Variants in ACSL5 observed in about 807,000 individuals in gnomAD.
The protein encoded by ACSL5 is long-chain-fatty-acid--CoA ligase 5.
Under a neutral mutation model 84.9 loss-of-function variants are expected in ACSL5, and 50 were observed. The ratio of observed to expected loss-of-function variants is 0.59; its 90% CI spans 0.47 to 0.75. The LOEUF is 0.75. Ranked by LOEUF, ACSL5 falls within the 30% of genes least tolerant of loss-of-function variation. ACSL5 has a pLI of 0.00. For missense variants in ACSL5, 775 were observed against 830.4 expected (o/e 0.93, Z 0.82); for synonymous variants, 280 against 300.7 (o/e 0.93, Z 0.71).
intron 20 of ACSL5, 133 bp downstream of exon 20, chr10:112,426,992 CT>C: frequency 1.1e-6 from 1 of 910,798 alleles, no homozygotes; most frequent in Admixed American, 2.3e-5. Flanking sequence ...ACAAAATGAC[CT>C]TTTGTAGTTA....
chr10:112,425,797 G>A (rs1235941424), intron 18 of ACSL5, among the ~76,000 whole-genome samples: 1 of 152,024 alleles, frequency 6.6e-6, no homozygotes, highest in Non-Finnish European at 1.5e-5. Context: ...TTAAAGCTAT[G>A]TTTAAGAGCA....
In ACSL5 at chr10:112,411,899, T is replaced by C. The variant is rs762330116; in HGVS notation, c.871-3T>C. On this transcript the variant is annotated splice_region_variant and splice_polypyrimidine_tract_variant and intron_variant, in intron 10 of 20. Coordinates refer to ENST00000354655, the MANE Select transcript of ACSL5 (RefSeq NM_203379.2). ...CCTCCTCTTACTTCCCTGGCCTACA[T>C]AGCATGCTTATGAGCCCACTCCTGA... 2.5e-6 allele frequency: 4 copies of C among 1,612,838 alleles called. No individual in the cohort carries two copies. Among genetic ancestry groups the C allele is most frequent in the African/African-American group, 1.3e-5 (1 of 75,012 alleles).
intron 2 of ACSL5, among the ~76,000 whole-genome samples, chr10:112,396,699 C>G (rs1450191291): frequency 6.6e-6 from 1 of 152,130 alleles, no homozygotes; most frequent in Non-Finnish European, 1.5e-5. Flanking sequence ...CACACACACA[C>G]ACACACACCC....
rs1484312170 is a variant in ACSL5, at chr10:112,399,156, G to A, written c.265+147G>A. Reference sequence around the variant, plus strand: ...AACATGCAAAATAGAGGCAACATTAGAACATAGTATTAGGATGGGCGTTGG... The same window carrying A: ...AACATGCAAAATAGAGGCAACATTAAAACATAGTATTAGGATGGGCGTTGG... On this transcript the variant is annotated intron_variant, in intron 3 of 20. Transcript: ENST00000354655. The A allele has an allele frequency of 5.9e-6, 4 of 673,116 alleles. No individual in the cohort carries two copies. In the Admixed American group the frequency reaches 7.5e-5, roughly 13 times the overall value. 41.7% of individuals were successfully genotyped at this position (673,116 alleles called of 1,614,324 possible).
intron 1 of ACSL5, among the ~76,000 whole-genome samples, chr10:112,378,689 G>C (rs1043722063): frequency 4.6e-5 from 7 of 152,122 alleles, no homozygotes; most frequent in Non-Finnish European, 8.8e-5. Context: ...TCAAGCAAGG[G>C]TGACGTAACC....
chr10:112,425,971 TTA>T (rs778409486), intron 18 of ACSL5, among the ~76,000 whole-genome samples: 2 of 152,178 alleles, frequency 1.3e-5, no homozygotes, highest in African/African-American at 4.8e-5. Context: ...AATGTAGCTT[TTA>T]GGGGACAAGG....
chr10:112,426,488 G>C (rs1004831081), intron 19 of ACSL5, 129 bp downstream of exon 19: 1 of 728,694 alleles, frequency 1.4e-6, no homozygotes, highest in Non-Finnish European at 2.3e-6. Context: ...TATGGGACTC[G>C]GGGATAGGAT....
At chr10:112,425,624 T>G in intron 18 of ACSL5, 143 bp downstream of exon 18, 1 of 766,202 alleles carries the variant, frequency 1.3e-6, no homozygotes. Context: ...GAAGTTACAT[T>G]CCAAACCTCA....
chr10:112,427,260 A>G lies in ACSL5; in HGVS notation c.1954A>G (p.Asn652Asp). The G allele has an allele frequency of 1.2e-6, 2 of 1,613,656 alleles. No individual in the cohort carries two copies. The highest frequency in any genetic ancestry group is 1.7e-6 in the Non-Finnish European group (2 of 1,179,886). The change falls in exon 21 of 21, where the codon AAT becomes GAT. Residue 652 changes from asparagine (N) to aspartate (D), a missense_variant. Transcript: ENST00000354655. ...FLHPEPFSIE[N>D]GLLTPTLKAK... ...TCATCCAGAGCCATTTTCCATTGAA[A>G]ATGGGCTCTTGACACCAACATTGAA...
In ACSL5 at chr10:112,428,132, G is replaced by A. The variant is rs971842959; in HGVS notation, c.*774G>A. Reference sequence around the variant, plus strand: ...GCTGAGCTGGAAGCTGTGGGGGAAGGAGTTGACAGGTGGGCCCAGTGAACT... The same window carrying A: ...GCTGAGCTGGAAGCTGTGGGGGAAGAAGTTGACAGGTGGGCCCAGTGAACT... On this transcript the variant is annotated 3_prime_UTR_variant, in exon 21 of 21. Coordinates refer to ENST00000354655, the MANE Select transcript of ACSL5 (RefSeq NM_203379.2). 3.5e-6 allele frequency: 1 copy of A among 286,126 alleles called. No individual in the cohort carries two copies. The highest frequency in any genetic ancestry group is 6.4e-6 in the Non-Finnish European group (1 of 155,160). 17.7% of individuals were successfully genotyped at this position (286,126 alleles called of 1,614,324 possible).
chr10:112,408,399 T>C (rs1418905306), intron 5 of ACSL5, 23 bp from the exon 6 acceptor site: 3 of 1,499,076 alleles, frequency 2.0e-6, no homozygotes, highest in East Asian at 2.3e-5. Context: ...CTCCAGTCCT[T>C]ACTTGAACTT....
chr10:112,392,386 C>T (rs1489484990), intron 1 of ACSL5, among the ~76,000 whole-genome samples: 2 of 113,800 alleles, frequency 1.8e-5, no homozygotes, highest in Non-Finnish European at 4.1e-5. Context: ...GTGGGAGGAC[C>T]GCTTGAGCCC....
At position 112,387,606 on chromosome 10, in the gene ACSL5, G is replaced by A. The variant is rs150105325; in HGVS notation, c.-29-7312G>A. Among the ~76,000 whole-genome samples the A allele has an allele frequency of 3.8e-3, 574 of 152,288 alleles. 1 individual carries two copies. Among genetic ancestry groups the A allele is most frequent in the Middle Eastern group, 0.01 (3 of 294 alleles). ...AAGCAAAACTTTCATATACAGCCTC[G>A]TAAATAACACACAGTTCCCTTTGGA... On this transcript the variant is annotated intron_variant, in intron 1 of 20. Transcript: ENST00000354655.
At chr10:112,417,205 A>AAAAAAG (rs1844336538) in intron 13 of ACSL5, among the ~76,000 whole-genome samples, 183 bp downstream of exon 13, 1 of 150,348 alleles carries the variant, frequency 6.7e-6, no homozygotes, top group African/African-American at 2.4e-5. Context: ...TAGGTTTAAA[A>AAAAAAG]AAAAAAAAAA....
rs756181515 is a variant in ACSL5, at chr10:112,426,803, A to G, written c.1855A>G (p.Ile619Val). The change falls in exon 20 of 21, where the codon ATT (isoleucine) becomes GTT (valine). Residue 619 changes from isoleucine to valine, a missense_variant. Physicochemically the swap from Ile to Val is conservative, Grantham distance 29. Transcript: ENST00000354655. ...LCQNQVVREA[I>V]LEDLQKIGKE... Reference sequence around the variant, plus strand: ...GTATTCTTAGGTTGTAAGGGAAGCCATTTTAGAAGACTTGCAGAAAATTGG... The same window carrying G: ...GTATTCTTAGGTTGTAAGGGAAGCCGTTTTAGAAGACTTGCAGAAAATTGG... 1 of 1,614,038 alleles carries G rather than the reference A, an allele frequency of 6.2e-7. No individual in the cohort carries two copies. The highest frequency in any genetic ancestry group is 8.5e-7 in the Non-Finnish European group (1 of 1,179,938).
chr10:112,417,983 T>G, intron 14 of ACSL5, 42 bp downstream of exon 14: 1 of 1,441,664 alleles, frequency 6.9e-7, no homozygotes, highest in Non-Finnish European at 9.5e-7. Flanking sequence ...ATTTTACTTT[T>G]GCACAAACAG....
chr10:112,412,111 T>C lies in ACSL5; in HGVS notation c.948+132T>C, dbSNP rs145025795. 4.9e-4 allele frequency: 444 copies of C among 902,392 alleles called. 1 individual carries two copies. The highest frequency in any genetic ancestry group is 7.3e-4 in the Non-Finnish European group (409 of 560,502). 55.9% of individuals were successfully genotyped at this position (902,392 alleles called of 1,614,324 possible). A position where few individuals can be genotyped will look rare whatever the true frequency, so the allele number is the denominator to read the frequency against. Reference sequence around the variant, plus strand: ...TGAGAGGTGCAGGCAAGGAGTTGGCTCATGGGAGCCCTAATCATGGCATGG... The same window carrying C: ...TGAGAGGTGCAGGCAAGGAGTTGGCCCATGGGAGCCCTAATCATGGCATGG... On this transcript the variant is annotated intron_variant, in intron 11 of 20. Transcript: ENST00000354655.
intron 11 of ACSL5, 177 bp downstream of exon 11, chr10:112,412,156 T>C (rs1844193101): frequency 1.6e-6 from 1 of 637,092 alleles, no homozygotes; most frequent in Non-Finnish European, 2.8e-6. Context: ...TCCTGCAGAG[T>C]CTTCCTCTGC....
At chr10:112,394,646 TGA>T (rs1412397994) in intron 1 of ACSL5, 1 of 786,214 alleles carries the variant, frequency 1.3e-6, no homozygotes, top group African/African-American at 1.9e-5. Flanking sequence ...GTTTGGGAAA[TGA>T]TTAACTTGTT....
Sources: allele counts gnomAD v4.1 joint callset (sites outside exome capture counted in the v4.1 genomes callset), GRCh38; gene constraint gnomAD v4.1.1; transcripts MANE v1.5; gene names NCBI Gene and HGNC (gene_info 2026-07-23, HGNC 2026-07-21).